PRKN: variants seen among roughly 807,000 people sequenced by gnomAD.
PRKN encodes E3 ubiquitin-protein ligase parkin.
PRKN carries 56 observed loss-of-function variants against 59.5 expected under a neutral mutation model. That is an observed-to-expected ratio of 0.94 (90% CI 0.76 to 1.18). The LOEUF is 1.18. Ranked by LOEUF, PRKN falls within the 50% of genes most tolerant of loss-of-function variation. The pLI, the probability that PRKN is intolerant of heterozygous loss-of-function variation, is 0.00. For missense variants in PRKN, 657 were observed against 596.4 expected, an observed-to-expected ratio of 1.10 and a Z score of -1.06; for synonymous variants, 250 against 222.1, an observed-to-expected ratio of 1.13 and a Z score of -1.12.
Position 162,609,011 on chromosome 6 carries a change from G to A in PRKN, c.7+118651C>T, listed in dbSNP as rs554704292. Among the ~76,000 whole-genome samples, 10 of 152,284 alleles carry A rather than the reference G, an allele frequency of 6.6e-5. No homozygotes were observed. The South Asian group carries it at 1.0e-3, about 16-fold the overall frequency. ...GCCAGTGAGGCTCTCTTCCTGAGAA[G>A]AGACAGTGTGCTGGCAGCAAGCACT... On this transcript the variant is annotated intron_variant, in intron 1 of 11. Coordinates refer to ENST00000366898, the MANE Select transcript of PRKN (RefSeq NM_004562.3).
intron 2 of PRKN, among the ~76,000 whole-genome samples, chr6:162,272,757 G>A (rs1239886614): frequency 6.6e-6 from 1 of 152,046 alleles, no homozygotes; most frequent in Non-Finnish European, 1.5e-5. Flanking sequence ...CAGCACTTTG[G>A]GAGGCTGAGG....
At chr6:161,821,785 G>T in intron 6 of PRKN, among the ~76,000 whole-genome samples, 6 of 115,648 alleles carry the variant, frequency 5.2e-5, no homozygotes, top group East Asian at 6.2e-4. Context: ...GTCTCATTCT[G>T]TCACCCAGGC....
chr6:162,243,587 CAGTT>C (rs927225197), intron 3 of PRKN, among the ~76,000 whole-genome samples: 11 of 152,186 alleles, frequency 7.2e-5, no homozygotes, highest in African/African-American at 2.4e-4. Context: ...ACATAGTACT[CAGTT>C]TGTTTAAATT....
chr6:161,618,002 T>A (rs1276703237), intron 7 of PRKN, among the ~76,000 whole-genome samples: 1 of 152,242 alleles, frequency 6.6e-6, no homozygotes, highest in Non-Finnish European at 1.5e-5. Context: ...GTAGAACCAG[T>A]GTATGGGACA....
chr6:162,239,128 G>C (rs1372376516), intron 3 of PRKN, among the ~76,000 whole-genome samples: 7 of 152,242 alleles, frequency 4.6e-5, no homozygotes, highest in African/African-American at 1.7e-4. Context: ...AATACAATTA[G>C]TATAGTAAGT....
chr6:161,437,543 G>T (rs373787253), intron 9 of PRKN, among the ~76,000 whole-genome samples: 1 of 152,168 alleles, frequency 6.6e-6, no homozygotes, highest in Non-Finnish European at 1.5e-5. Flanking sequence ...GACTGGTGGC[G>T]TGGATGCCAC....
intron 7 of PRKN, among the ~76,000 whole-genome samples, chr6:161,723,526 C>T (rs1409037271): frequency 1.3e-5 from 2 of 151,978 alleles, no homozygotes; most frequent in African/African-American, 2.4e-5. Flanking sequence ...CTGTTGTTGG[C>T]GGCTGGGAGA....
chr6:162,481,142 C>T (rs990826137), intron 1 of PRKN, among the ~76,000 whole-genome samples: 1 of 151,914 alleles, frequency 6.6e-6, no homozygotes, highest in Non-Finnish European at 1.5e-5. Context: ...TTTCATTCTA[C>T]TAGAATTAAT....
chr6:162,141,843 T>G (rs1466557421), intron 4 of PRKN, among the ~76,000 whole-genome samples: 1 of 152,164 alleles, frequency 6.6e-6, no homozygotes, highest in Non-Finnish European at 1.5e-5. Flanking sequence ...AGTAGCCTTT[T>G]TCCCTAGAGA....
At chr6:162,668,617 G>C (rs906948316) in intron 1 of PRKN, among the ~76,000 whole-genome samples, 9 of 152,066 alleles carry the variant, frequency 5.9e-5, no homozygotes, top group Non-Finnish European at 1.0e-4. Context: ...ACCATCCACG[G>C]TCAGACCAAC....
intron 1 of PRKN, among the ~76,000 whole-genome samples, chr6:162,673,309 T>C (rs1309673146): frequency 6.6e-6 from 1 of 152,076 alleles, no homozygotes; most frequent in Non-Finnish European, 1.5e-5. Context: ...AACAAGTACT[T>C]AACGGAGTGA....
chr6:162,235,978 A>G (rs933117651), intron 3 of PRKN, among the ~76,000 whole-genome samples: 5 of 112,834 alleles, frequency 4.4e-5, no homozygotes, highest in African/African-American at 8.9e-5. Context: ...AGAAAGAAAG[A>G]AAGAAAGAAA....
intron 6 of PRKN, among the ~76,000 whole-genome samples, chr6:161,912,352 T>C (rs1372454226): frequency 6.6e-6 from 1 of 152,060 alleles, no homozygotes; most frequent in Non-Finnish European, 1.5e-5. Context: ...AATAATCTTC[T>C]TGTAGTCTGC....
chr6:161,790,529 T>C (rs1236675990), intron 6 of PRKN, among the ~76,000 whole-genome samples: 2 of 152,140 alleles, frequency 1.3e-5, no homozygotes, highest in Non-Finnish European at 2.9e-5. Context: ...AGGAAGTGAA[T>C]GGTGTGAGAG....
Position 161,988,481 on chromosome 6 carries a change from G to A in PRKN, c.619-15064C>T, listed in dbSNP as rs147265047. Among the ~76,000 whole-genome samples, 710 of 151,388 alleles carry A rather than the reference G, an allele frequency of 4.7e-3. 4 individuals carry two copies. Among genetic ancestry groups the A allele is most frequent in the African/African-American group, 0.015 (608 of 41,306 alleles). On this transcript the variant is annotated intron_variant, in intron 5 of 11. Coordinates refer to ENST00000366898, the MANE Select transcript of PRKN (RefSeq NM_004562.3). ...AGCCTGAGCAACACGGCGAGACTCC[G>A]TCTCAAAAAAACAAAATAAAATAAA... is the stretch of plus-strand genomic sequence containing the variant.
chr6:162,445,695 A>T (rs1790280237), intron 1 of PRKN, among the ~76,000 whole-genome samples: 1 of 62,420 alleles, frequency 1.6e-5, no homozygotes, highest in African/African-American at 1.0e-4. Context: ...TGTCTAAAAA[A>T]AAAAAAAAAA....
intron 2 of PRKN, among the ~76,000 whole-genome samples, chr6:162,285,030 C>T (rs1024564126): frequency 6.6e-6 from 1 of 152,064 alleles, no homozygotes; most frequent in South Asian, 2.1e-4. Flanking sequence ...AGAAAACAGA[C>T]CATGTGAAGG....
intron 2 of PRKN, among the ~76,000 whole-genome samples, chr6:162,274,192 T>TTAATTAATTAATTAATTA (rs1330628879): frequency 9.9e-5 from 15 of 151,916 alleles, no homozygotes; most frequent in South Asian, 6.2e-4. Context: ...TGTATTTATT[T>TTAATTAATTAATTAATTA]ATTTATTTAT....
At chr6:161,585,573 T>C (rs967531285) in intron 7 of PRKN, among the ~76,000 whole-genome samples, 4 of 152,232 alleles carry the variant, frequency 2.6e-5, no homozygotes, top group Non-Finnish European at 4.4e-5. Flanking sequence ...ATAGTGATTG[T>C]CAATTAAATA....
Sources: gnomAD v4.1 joint callset for allele counts (sites outside exome capture counted in the v4.1 genomes callset) on GRCh38, gnomAD v4.1.1 for gene constraint, MANE v1.5 for transcripts, NCBI Gene and HGNC (gene_info 2026-07-23, HGNC 2026-07-21) for gene names.